Variants in PCDH15 observed in about 807,000 individuals in gnomAD.
PCDH15 encodes the protein protocadherin-15.
PCDH15 carries 129 observed loss-of-function variants against 178.5 expected under a neutral mutation model. The ratio of observed to expected loss-of-function variants is 0.72; its 90% CI spans 0.63 to 0.84. The LOEUF (loss-of-function observed/expected upper bound fraction) is 0.84, where lower values mean the gene tolerates loss of function less well. Ranked by LOEUF, PCDH15 falls within the 40% of genes least tolerant of loss-of-function variation. The pLI is 0.00. For synonymous variants in PCDH15, 800 were observed against 732.0 expected (o/e 1.09, Z -1.50); for missense variants, 2,230 against 2,099.9 (o/e 1.06, Z -1.21).
intron 8 of PCDH15, among the ~76,000 whole-genome samples, chr10:54,279,294 C>T (rs1462357395): frequency 1.3e-5 from 2 of 151,432 alleles, no homozygotes; most frequent in Admixed American, 1.3e-4. Flanking sequence ...TCTCCTTGTT[C>T]ACATGAGGAA....
At chr10:54,395,997 T>G (rs1951169800) in intron 3 of PCDH15, among the ~76,000 whole-genome samples, 1 of 152,242 alleles carries the variant, frequency 6.6e-6, no homozygotes, top group African/African-American at 2.4e-5. Flanking sequence ...GGCATAAGGT[T>G]TGTTGAGCTG....
At chr10:55,159,085 T>G (rs1291803869) in intron 2 of PCDH15, among the ~76,000 whole-genome samples, 2 of 151,924 alleles carry the variant, frequency 1.3e-5, no homozygotes, top group Non-Finnish European at 2.9e-5. Context: ...CTAAATGACT[T>G]TAGTACAGAC....
At chr10:55,055,018 A>G (rs2131992092) in intron 2 of PCDH15, among the ~76,000 whole-genome samples, 1 of 152,248 alleles carries the variant, frequency 6.6e-6, no homozygotes, top group African/African-American at 2.4e-5. Context: ...TGTTAAGTTT[A>G]ATTACATCCC....
chr10:55,150,790 A>G (rs1838688411), intron 2 of PCDH15, among the ~76,000 whole-genome samples: 1 of 152,202 alleles, frequency 6.6e-6, no homozygotes, highest in Non-Finnish European at 1.5e-5. Flanking sequence ...AGTTGCTCAG[A>G]AAGAAAATAC....
intron 13 of PCDH15, among the ~76,000 whole-genome samples, chr10:54,159,629 T>C (rs533955340): frequency 1.3e-5 from 2 of 152,304 alleles, no homozygotes; most frequent in Admixed American, 1.3e-4. Context: ...TGATTATTTT[T>C]CTAGGATTAT....
chr10:54,062,239 AAAAAAAAAAAAAACAAAAAAC>A lies in PCDH15; in HGVS notation c.2220+4497_2220+4517del, dbSNP rs753487505. 6.7e-3 allele frequency among the ~76,000 whole-genome samples: 665 copies of A among 99,828 alleles called. 21 individuals are homozygous for A. Among genetic ancestry groups the A allele is most frequent in the Middle Eastern group, 0.014 (3 of 216 alleles). 65.5% of individuals were successfully genotyped at this position (99,828 alleles called of 152,430 possible). A position where few individuals can be genotyped will look rare whatever the true frequency, so the allele number is the denominator to read the frequency against. ...TGAGATTCTGTCTCAAAAAAAAAAA[AAAAAAAAAAAAAACAAAAAAC>A]AACTAAATGAAAACTCCCTTCAGCA... On this transcript the variant is annotated intron_variant, in intron 18 of 37. Coordinates refer to ENST00000644397, the MANE Select transcript of PCDH15 (RefSeq NM_001384140.1).
At chr10:54,876,196 C>A (rs995416818) in intron 3 of PCDH15, among the ~76,000 whole-genome samples, 1 of 152,070 alleles carries the variant, frequency 6.6e-6, no homozygotes, top group African/African-American at 2.4e-5. Flanking sequence ...CCTTCCACAG[C>A]ATGGTTTACT....
chr10:54,510,504 T>C (rs1418826280), intron 3 of PCDH15, among the ~76,000 whole-genome samples: 1 of 152,126 alleles, frequency 6.6e-6, no homozygotes, highest in Non-Finnish European at 1.5e-5. Context: ...AAACCATTTG[T>C]AGGAGATCAA....
At chr10:55,177,117 T>C (rs1215537780) in intron 1 of PCDH15, among the ~76,000 whole-genome samples, 1 of 152,128 alleles carries the variant, frequency 6.6e-6, no homozygotes, top group Non-Finnish European at 1.5e-5. Flanking sequence ...TTTAGTCTTG[T>C]CAGAGGGAAC....
At chr10:55,462,089 C>T (rs1359146932) in intron 2 of PCDH15, among the ~76,000 whole-genome samples, 1 of 152,050 alleles carries the variant, frequency 6.6e-6, no homozygotes, top group African/African-American at 2.4e-5. Context: ...CCTAGCTTGA[C>T]TCCCACAGGT....
At chr10:55,614,486 A>C (rs1294416668) in intron 2 of PCDH15, among the ~76,000 whole-genome samples, 1 of 152,212 alleles carries the variant, frequency 6.6e-6, no homozygotes, top group Non-Finnish European at 1.5e-5. Flanking sequence ...TGCATGAGGG[A>C]TAAAGCAAGA....
rs990553514 is a variant in PCDH15 at position 54,190,957 on chromosome 10, A to G, written c.1305+4726T>C. Among the ~76,000 whole-genome samples, 6 of 152,324 alleles carry G rather than the reference A, an allele frequency of 3.9e-5. No homozygotes were observed. In the East Asian group the frequency reaches 9.6e-4, roughly 24 times the overall value. Reference sequence around the variant, plus strand: ...TGGAAGATTTAAGGAATAATAGATGAATTAAAAGAAAACTGGTTTCAACTC... The same window carrying G: ...TGGAAGATTTAAGGAATAATAGATGGATTAAAAGAAAACTGGTTTCAACTC... On this transcript the variant is annotated intron_variant, in intron 11 of 37. Transcript: ENST00000644397.
At chr10:54,141,564 T>A (rs1393143569) in intron 14 of PCDH15, among the ~76,000 whole-genome samples, 1 of 152,160 alleles carries the variant, frequency 6.6e-6, no homozygotes, top group Non-Finnish European at 1.5e-5. Context: ...GTTTTAATGT[T>A]CAGGAAAGAC....
rs1009547180 is a variant in PCDH15, at chr10:53,816,528, C to G, written c.4453-251G>C. Among the ~76,000 whole-genome samples the G allele has an allele frequency of 3.3e-5, 5 of 152,184 alleles. No individual in the cohort carries two copies. The South Asian group carries it at 8.3e-4, about 25-fold the overall frequency. On this transcript the variant is annotated intron_variant, in intron 34 of 37. Transcript: ENST00000644397. ...TTCTAGTTAATGACAAATTTAATAG[C>G]CTTAATAAACAGGAATCTATACAGA...
chr10:54,569,153 A>G (rs1362909883), intron 2 of PCDH15, among the ~76,000 whole-genome samples: 1 of 152,046 alleles, frequency 6.6e-6, no homozygotes, highest in Non-Finnish European at 1.5e-5. Flanking sequence ...TACATATGCT[A>G]ATACAGAGTC....
Position 55,076,115 on chromosome 10 carries a change from TA to T in PCDH15, c.-80+90460del, listed in dbSNP as rs1841879333. Among the ~76,000 whole-genome samples, 3 of 152,316 alleles carry T rather than the reference TA, an allele frequency of 2.0e-5. No individual in the cohort carries two copies. In the South Asian group the frequency reaches 6.2e-4, roughly 32 times the overall value. Reference sequence around the variant, plus strand: ...TCTGAGAAGACACTTGACATGATTTTATTTTTAAAAAATGAGACTTGTTTTG... The same window carrying T: ...TCTGAGAAGACACTTGACATGATTTTTTTTTAAAAAATGAGACTTGTTTTG... On this transcript the variant is annotated intron_variant, in intron 2 of 5. Transcript: ENST00000458638.
At chr10:53,927,254 A>T (rs2084645405) in intron 25 of PCDH15, among the ~76,000 whole-genome samples, 1 of 152,140 alleles carries the variant, frequency 6.6e-6, no homozygotes, top group East Asian at 1.9e-4. Context: ...GTTGTCAAAG[A>T]TAATAAGTAA....
intron 2 of PCDH15, among the ~76,000 whole-genome samples, chr10:55,461,339 A>G (rs1418287011): frequency 6.6e-6 from 1 of 152,158 alleles, no homozygotes; most frequent in African/African-American, 2.4e-5. Context: ...AGGAAGGTAA[A>G]TACAGTGCCT....
chr10:53,842,756 GA>G (rs1265538198), intron 28 of PCDH15, among the ~76,000 whole-genome samples: 1 of 152,066 alleles, frequency 6.6e-6, no homozygotes, highest in East Asian at 1.9e-4. Flanking sequence ...TGTGGAATAG[GA>G]AAGTATACTT....
Sources: gnomAD v4.1 joint callset for allele counts (sites outside exome capture counted in the v4.1 genomes callset) on GRCh38, gnomAD v4.1.1 for gene constraint, MANE v1.5 for transcripts, NCBI Gene and HGNC (gene_info 2026-07-23, HGNC 2026-07-21) for gene names.